The following CHKA variants were observed in gnomAD, a reference collection of about 807,000 sequenced individuals.
CHKA encodes the protein CHETK-alpha.
Under a neutral mutation model 60.1 loss-of-function variants are expected in CHKA, and 34 were observed. That is an observed-to-expected ratio of 0.57 (90% CI 0.43 to 0.75). The LOEUF (loss-of-function observed/expected upper bound fraction) is 0.75, where lower values mean the gene tolerates loss of function less well. CHKA is among the 30% of genes least tolerant of loss of function. The pLI, the probability that CHKA is intolerant of heterozygous loss-of-function variation, is 0.00. For missense variants in CHKA, 563 were observed against 561.3 expected (o/e 1.00, Z -0.03); for synonymous variants, 217 against 223.1 (o/e 0.97, Z 0.24).
chr11:68,074,778 C>T lies in CHKA; in HGVS notation c.569G>A (p.Arg190Lys). ...GCCATAGAGTTTTGGCCCAAGTGAC[C>T]TCTCTGCGAGAATGGCAAACATAAC... ...ESVMFAILAE[R>K]SLGPKLYGIF... The change falls in exon 4 of 12, where the codon AGG (arginine) becomes AAG (lysine). Residue 190 changes from arginine (R) to lysine (K), a missense_variant. Coordinates refer to ENST00000265689, the MANE Select transcript of CHKA (RefSeq NM_001277.3). The T allele has an allele frequency of 6.2e-7, 1 of 1,614,212 alleles. No individual in the cohort carries two copies. Among genetic ancestry groups the T allele is most frequent in the Admixed American group, 1.7e-5 (1 of 60,030 alleles).
chr11:68,068,168 G>C (rs1201894216), intron 7 of CHKA, among the ~76,000 whole-genome samples: 4 of 152,180 alleles, frequency 2.6e-5, no homozygotes, highest in African/African-American at 9.7e-5. Flanking sequence ...GATACTAGGA[G>C]AGGAGGTGTT....
At position 68,121,081 on chromosome 11, in the gene CHKA, C is replaced by A. The variant is rs1246048845; in HGVS notation, c.97G>T (p.Val33Leu). ...CTGGCGGCGTCGCGCTGCTGCCCCA[C>A]GCCGGGCGCCGGGGCCGCGCTGCCG... is the stretch of plus-strand genomic sequence containing the variant. ...GSGSAAPAPG[V>L]GQQRDAASDL... is the part of the protein sequence containing the mutation. Residue 33 changes from valine (V) to leucine (L), a missense_variant, in exon 1 of 12, where the codon GTG becomes TTG. Physicochemically the swap from Val to Leu is conservative, Grantham distance 32. Coordinates refer to ENST00000265689, the MANE Select transcript of CHKA (RefSeq NM_001277.3). The A allele has an allele frequency of 1.8e-6, 2 of 1,133,958 alleles. No individual in the cohort carries two copies. The highest frequency in any genetic ancestry group is 2.2e-6 in the Non-Finnish European group (2 of 925,984). 70.2% of individuals were successfully genotyped at this position (1,133,958 alleles called of 1,614,324 possible).
At chr11:68,098,709 T>A (rs753307943) in intron 1 of CHKA, among the ~76,000 whole-genome samples, 1 of 152,180 alleles carries the variant, frequency 6.6e-6, no homozygotes, top group South Asian at 2.1e-4. Flanking sequence ...TATTTATTTT[T>A]TTCAGAGAGG....
chr11:68,056,757 C>A lies in CHKA; in HGVS notation c.1315-2710G>T, dbSNP rs373922031. Among the ~76,000 whole-genome samples, 34 of 152,160 alleles carry A rather than the reference C, an allele frequency of 2.2e-4. No homozygotes were observed. In the East Asian group the frequency reaches 5.8e-3, roughly 26 times the overall value. On this transcript the variant is annotated intron_variant, in intron 11 of 11. Transcript: ENST00000265689. ...GGCATGGTGGCGGAATGTCTGTAGTCCCAGCTACTTGGAAGGTTGAGACAA... is the reference window on the plus strand; with the variant it reads ...GGCATGGTGGCGGAATGTCTGTAGTACCAGCTACTTGGAAGGTTGAGACAA...
chr11:68,112,875 G>C (rs1261952081), intron 1 of CHKA, among the ~76,000 whole-genome samples: 1 of 151,694 alleles, frequency 6.6e-6, no homozygotes, highest in African/African-American at 2.4e-5. Flanking sequence ...GAGGTCAGGA[G>C]ATCAAGACCA....
At chr11:68,108,839 C>G (rs1590881043) in intron 1 of CHKA, among the ~76,000 whole-genome samples, 1 of 152,158 alleles carries the variant, frequency 6.6e-6, no homozygotes, top group Non-Finnish European at 1.5e-5. Flanking sequence ...GGAGCAAAAT[C>G]CTCCACCAAA....
At chr11:68,109,277 G>A (rs1359660441) in intron 1 of CHKA, among the ~76,000 whole-genome samples, 2 of 151,868 alleles carry the variant, frequency 1.3e-5, no homozygotes, top group Admixed American at 6.6e-5. Flanking sequence ...TTTTAGTAGA[G>A]ACGGAGTTTC....
chr11:68,103,056 A>G (rs902707246), intron 1 of CHKA, among the ~76,000 whole-genome samples: 3 of 152,266 alleles, frequency 2.0e-5, no homozygotes, highest in African/African-American at 4.8e-5. Context: ...GGATTGTTTG[A>G]GCCTAAGAGT....
intron 1 of CHKA, among the ~76,000 whole-genome samples, chr11:68,111,740 C>T (rs1311051224): frequency 1.3e-5 from 2 of 151,904 alleles, no homozygotes; most frequent in African/African-American, 4.8e-5. Context: ...TACAACAAAC[C>T]ATTTGTTGTT....
chr11:68,082,491 CT>C (rs1386073821), intron 2 of CHKA: 1 of 152,536 alleles, frequency 6.6e-6, no homozygotes, highest in Non-Finnish European at 1.5e-5. Context: ...AAAAACATAC[CT>C]TTCCATTCCA....
At chr11:68,090,483 A>T (rs1057320453) in intron 2 of CHKA, among the ~76,000 whole-genome samples, 3 of 152,198 alleles carry the variant, frequency 2.0e-5, no homozygotes, top group Non-Finnish European at 4.4e-5. Flanking sequence ...TAACATAAAG[A>T]AATAGGTTTT....
chr11:68,113,779 G>T (rs890341794), intron 1 of CHKA, among the ~76,000 whole-genome samples: 3 of 152,052 alleles, frequency 2.0e-5, no homozygotes, highest in African/African-American at 7.2e-5. Flanking sequence ...TGGATCACCT[G>T]AGGTTAGGAG....
intron 10 of CHKA, among the ~76,000 whole-genome samples, chr11:68,064,087 G>C (rs543672817): frequency 2.6e-5 from 4 of 152,262 alleles, no homozygotes; most frequent in East Asian, 3.9e-4. Context: ...TTTTGACAAA[G>C]TGCAAGTCCT....
At chr11:68,076,104 G>T (rs954447414) in intron 3 of CHKA, among the ~76,000 whole-genome samples, 1 of 152,190 alleles carries the variant, frequency 6.6e-6, no homozygotes, top group African/African-American at 2.4e-5. Flanking sequence ...TTTACATTTT[G>T]TGGGGGTAAA....
chr11:68,079,340 T>TG (rs1856898951), intron 3 of CHKA, among the ~76,000 whole-genome samples: 1 of 151,606 alleles, frequency 6.6e-6, no homozygotes, highest in East Asian at 1.9e-4. Flanking sequence ...CTATTTTTTT[T>TG]TTCTTTTGAG....
At chr11:68,117,745 T>C (rs1858446356) in intron 1 of CHKA, among the ~76,000 whole-genome samples, 1 of 152,084 alleles carries the variant, frequency 6.6e-6, no homozygotes, top group South Asian at 2.1e-4. Flanking sequence ...TGCAAACAAG[T>C]TTGGATTTTA....
chr11:68,066,290 C>T (rs929528013), intron 8 of CHKA, 139 bp downstream of exon 8: 17 of 701,638 alleles, frequency 2.4e-5, no homozygotes, highest in Admixed American at 1.9e-4. Context: ...GGCCACTGGA[C>T]GAGAAGCCAC....
intron 11 of CHKA, among the ~76,000 whole-genome samples, chr11:68,054,253 C>T (rs930297459): frequency 6.6e-6 from 1 of 152,216 alleles, no homozygotes; most frequent in Non-Finnish European, 1.5e-5. Flanking sequence ...CCACCCCACA[C>T]ACCTTCATTC....
At chr11:68,120,131 G>C (rs756605276) in intron 1 of CHKA, among the ~76,000 whole-genome samples, 2 of 151,730 alleles carry the variant, frequency 1.3e-5, no homozygotes, top group Non-Finnish European at 2.9e-5. Context: ...GGGAGGCTGA[G>C]GCAAGGAGAA....
Sources: allele counts gnomAD v4.1 joint callset (sites outside exome capture counted in the v4.1 genomes callset), GRCh38; gene constraint gnomAD v4.1.1; transcripts MANE v1.5; gene names NCBI Gene and HGNC (gene_info 2026-07-23, HGNC 2026-07-21).